Variants in SH3KBP1 observed in about 807,000 individuals in gnomAD.
SH3KBP1 encodes the protein SH3 domain-containing kinase-binding protein 1.
In SH3KBP1, 8 loss-of-function variants were observed where a neutral mutation model predicts 50.1. The ratio of observed to expected loss-of-function variants is 0.16; its 90% CI spans 0.09 to 0.29. The LOEUF is 0.29. Ranked by LOEUF, SH3KBP1 falls within the 10% of genes least tolerant of loss-of-function variation. SH3KBP1 has a pLI of 1.00. For synonymous variants in SH3KBP1, 227 were observed against 218.6 expected (o/e 1.04, Z -0.34); for missense variants, 377 against 535.2 (o/e 0.70, Z 2.92).
intron 8 of SH3KBP1, among the ~76,000 whole-genome samples, chrX:19,625,344 C>A (rs1183958393): frequency 1.9e-5 from 2 of 106,673 alleles, no homozygotes; most frequent in African/African-American, 7.3e-5. Flanking sequence ...TTTTTTTTTG[C>A]CCCCCGACAG....
chrX:19,796,820 G>C (rs1046176970), intron 2 of SH3KBP1, among the ~76,000 whole-genome samples: 10 of 112,216 alleles, frequency 8.9e-5, no homozygotes, highest in Non-Finnish European at 1.9e-4. Context: ...CCAGCCAGGG[G>C]CTGGCCAAGA....
chrX:19,812,919 G>A (rs1348225611), intron 2 of SH3KBP1, among the ~76,000 whole-genome samples: 1 of 110,829 alleles, frequency 9.0e-6, no homozygotes, highest in Non-Finnish European at 1.9e-5. Context: ...AGGTTGCTGT[G>A]AGCCAAAATC....
At chrX:19,798,425 T>C (rs1420718359) in intron 2 of SH3KBP1, among the ~76,000 whole-genome samples, 1 of 110,986 alleles carries the variant, frequency 9.0e-6, no homozygotes. Context: ...TCCCTCTGGC[T>C]GAATATAGGT....
chrX:19,678,186 C>T (rs1228043444), intron 6 of SH3KBP1, among the ~76,000 whole-genome samples: 1 of 111,534 alleles, frequency 9.0e-6, no homozygotes, highest in Non-Finnish European at 1.9e-5. Context: ...AACGTATGCA[C>T]AGAGAGATCA....
At chrX:19,591,372 G>A (rs2066744074) in intron 11 of SH3KBP1, among the ~76,000 whole-genome samples, 1 of 111,722 alleles carries the variant, frequency 9.0e-6, no homozygotes. Context: ...TCCTTCTACA[G>A]TATGCAGAAT....
At chrX:19,682,539 T>G (rs1378301022) in intron 6 of SH3KBP1, among the ~76,000 whole-genome samples, 1 of 111,228 alleles carries the variant, frequency 9.0e-6, no homozygotes, top group Non-Finnish European at 1.9e-5. Flanking sequence ...CTTGCTCTTT[T>G]GTAAATGTTC....
At chrX:19,562,726 A>G in intron 13 of SH3KBP1, among the ~76,000 whole-genome samples, 1 of 110,738 alleles carries the variant, frequency 9.0e-6, no homozygotes, top group Non-Finnish European at 1.9e-5. Context: ...ATAGGTGAGC[A>G]TTTGGGGCTG....
At chrX:19,678,391 T>C (rs2062977428) in intron 6 of SH3KBP1, among the ~76,000 whole-genome samples, 2 of 107,898 alleles carry the variant, frequency 1.9e-5, no homozygotes, top group African/African-American at 6.8e-5. Context: ...GACAAACTGA[T>C]TCTAAAATTT....
chrX:19,605,172 C>A (rs900183105), intron 9 of SH3KBP1, among the ~76,000 whole-genome samples: 1 of 110,554 alleles, frequency 9.0e-6, no homozygotes, highest in Non-Finnish European at 1.9e-5. Context: ...ACTGCCCCCC[C>A]CCAAGACATG....
intron 2 of SH3KBP1, among the ~76,000 whole-genome samples, chrX:19,819,224 T>C (rs912593925): frequency 2.7e-5 from 3 of 112,357 alleles, no homozygotes; most frequent in Non-Finnish European, 5.6e-5. Flanking sequence ...TATTGTCCCT[T>C]TAATAGCTGC....
intron 3 of SH3KBP1, among the ~76,000 whole-genome samples, chrX:19,743,545 A>G (rs868409383): frequency 8.9e-6 from 1 of 112,458 alleles, no homozygotes; most frequent in Non-Finnish European, 1.9e-5. Context: ...AAGTGAAACT[A>G]ATCAGTCCCC....
chrX:19,695,501 C>T lies in SH3KBP1; in HGVS notation c.520+111G>A, dbSNP rs1258405433. 6 of 970,274 alleles carry T rather than the reference C, an allele frequency of 6.2e-6. No individual in the cohort carries two copies. The East Asian group carries it at 1.2e-4, about 20-fold the overall frequency. The allele number at this position is 970,274 out of a possible 1,213,427, so 80.0% of individuals were successfully genotyped here. A position where few individuals can be genotyped will look rare whatever the true frequency, so the allele number is the denominator to read the frequency against. ...AAGGCAGTATAACCAAAAAAATACT[C>T]GTAAGCGTTTACTATAGCCTCTCGG... On this transcript the variant is annotated intron_variant, in intron 5 of 17. Transcript: ENST00000397821.
chrX:19,737,290 G>A (rs1390256777), intron 3 of SH3KBP1, among the ~76,000 whole-genome samples: 1 of 111,221 alleles, frequency 9.0e-6, no homozygotes, highest in Admixed American at 9.6e-5. Context: ...GTGGGGCTTA[G>A]CCAAGGCCAG....
chrX:19,875,549 T>TA (rs1230485611), intron 1 of SH3KBP1, among the ~76,000 whole-genome samples: 3 of 112,028 alleles, frequency 2.7e-5, no homozygotes, highest in African/African-American at 9.8e-5. Flanking sequence ...TAGCACCCAC[T>TA]CCTCCACAGG....
intron 2 of SH3KBP1, 31 bp from the exon 3 acceptor site, chrX:19,746,472 T>G: frequency 8.5e-7 from 1 of 1,176,687 alleles, no homozygotes; most frequent in East Asian, 3.0e-5. Flanking sequence ...AAAACAAGAT[T>G]ATAGTTTGAA....
intron 3 of SH3KBP1, among the ~76,000 whole-genome samples, chrX:19,717,503 G>GGCTGCAGTGAGCCATGATTGTGCC (rs1248105623): frequency 8.9e-6 from 1 of 112,007 alleles, no homozygotes; most frequent in African/African-American, 3.3e-5. Flanking sequence ...AGGAGGTCAA[G>GGCTGCAGTGAGCCATGATTGTGCC]GCTGCAGTGA....
chrX:19,864,323 C>G (rs765927402), intron 1 of SH3KBP1, among the ~76,000 whole-genome samples: 1 of 111,140 alleles, frequency 9.0e-6, no homozygotes, highest in African/African-American at 3.3e-5. Flanking sequence ...AACACCCCCC[C>G]ACCCCCTGCA....
At chrX:19,688,390 T>G (rs951984062) in intron 5 of SH3KBP1, among the ~76,000 whole-genome samples, 1 of 112,040 alleles carries the variant, frequency 8.9e-6, no homozygotes, top group Non-Finnish European at 1.9e-5. Flanking sequence ...ACATCTTAAT[T>G]GGGATTCTGC....
chrX:19,739,781 A>T (rs1407955647), intron 3 of SH3KBP1, among the ~76,000 whole-genome samples: 5 of 110,944 alleles, frequency 4.5e-5, no homozygotes, highest in African/African-American at 1.6e-4. Context: ...AATCAAAGGC[A>T]TCCTCCATCA....
Sources: gnomAD v4.1 joint callset for allele counts (sites outside exome capture counted in the v4.1 genomes callset) on GRCh38, gnomAD v4.1.1 for gene constraint, MANE v1.5 for transcripts, NCBI Gene and HGNC (gene_info 2026-07-23, HGNC 2026-07-21) for gene names.